The following ABLIM3 variants were observed in gnomAD, a reference collection of about 807,000 sequenced individuals.
ABLIM3 encodes the protein actin binding LIM protein family member 3.
ABLIM3 carries 61 observed loss-of-function variants against 109.5 expected under a neutral mutation model. That is an observed-to-expected ratio of 0.56 (90% confidence interval 0.45 to 0.69). The LOEUF (loss-of-function observed/expected upper bound fraction) is 0.69. Ranked by LOEUF, ABLIM3 falls within the 30% of genes least tolerant of loss-of-function variation. ABLIM3 has a pLI of 0.00. For synonymous variants in ABLIM3, 300 were observed against 324.8 expected, an observed-to-expected ratio of 0.92 and a Z score of 0.82; for missense variants, 796 against 889.5, an observed-to-expected ratio of 0.89 and a Z score of 1.34.
intron 1 of ABLIM3, 121 bp downstream of exon 1, chr5:149,141,775 G>A: frequency 2.4e-6 from 1 of 423,296 alleles, no homozygotes; most frequent in Non-Finnish European, 4.3e-6. Context: ...AATAGTCCGG[G>A]GTGCGCGCGA....
chr5:149,237,746 T>G, intron 11 of ABLIM3, 143 bp downstream of exon 11: 1 of 1,100,308 alleles, frequency 9.1e-7, no homozygotes, highest in Non-Finnish European at 1.3e-6. Flanking sequence ...GGCCAACGTT[T>G]TTTAAATGAA....
At chr5:149,239,043 C>T (rs1015418574) in intron 11 of ABLIM3, among the ~76,000 whole-genome samples, 14 of 152,176 alleles carry the variant, frequency 9.2e-5, no homozygotes, top group Non-Finnish European at 1.0e-4. Flanking sequence ...TCCTAAAAGG[C>T]GGGCATAATC....
At position 149,250,480 on chromosome 5, in the gene ABLIM3, C is replaced by T. The variant is rs777867883; in HGVS notation, c.1763C>T (p.Ala588Val). The T allele has an allele frequency of 5.6e-6, 9 of 1,614,196 alleles. No individual in the cohort carries two copies. The highest frequency in any genetic ancestry group is 7.6e-6 in the Non-Finnish European group (9 of 1,180,014). The change falls in exon 20 of 24, where the codon GCC becomes GTC. Residue 588 changes from alanine to valine, a missense_variant. Transcript: ENST00000309868. The stretch of plus-strand genomic sequence containing the variant: ...ATCTCCAAATCTGCCTCCCTGCCTG[C>T]CTACCGAAGAAATGGGCTGCACAGG... ...PLISKSASLP[A>V]YRRNGLHRTP...
At position 149,252,572 on chromosome 5, in the gene ABLIM3, T is replaced by G. The variant is rs1162082505; in HGVS notation, c.1858-185T>G. 1.2e-5 allele frequency: 7 copies of G among 594,702 alleles called. No homozygotes were observed. The African/African-American group carries it at 1.3e-4, about 11-fold the overall frequency. 36.8% of individuals were successfully genotyped at this position (594,702 alleles called of 1,614,324 possible). A position where few individuals can be genotyped will look rare whatever the true frequency, so the allele number is the denominator to read the frequency against. ...AGTATTAGGGGACTCTCTTGGGCCT[T>G]GTCTTTTGAGAGAAGGTATCTTAAG... is the stretch of plus-strand genomic sequence containing the variant. On this transcript the variant is annotated intron_variant, in intron 22 of 23. Coordinates refer to ENST00000309868, the MANE Select transcript of ABLIM3 (RefSeq NM_014945.5).
rs191726947 is a variant in ABLIM3 at position 149,172,923 on chromosome 5, T to G, written c.14-10529T>G. Among the ~76,000 whole-genome samples the G allele has an allele frequency of 3.9e-5, 6 of 152,036 alleles. No individual in the cohort carries two copies. In the East Asian group the frequency reaches 1.2e-3, roughly 29 times the overall value. ...AAAACAAGAGCCTGGAGAAGGGGAG[T>G]GTCCTCCCTGAGGCCTCACAAAAAC... is the stretch of plus-strand genomic sequence containing the variant. On this transcript the variant is annotated intron_variant, in intron 2 of 23. Transcript: ENST00000309868.
chr5:149,171,615 G>GGCTTCTGCTT, intron 2 of ABLIM3, among the ~76,000 whole-genome samples: 1 of 152,302 alleles, frequency 6.6e-6, no homozygotes, highest in Non-Finnish European at 1.5e-5. Flanking sequence ...CATGGAAATT[G>GGCTTCTGCTT]GCTTCTGCTT....
chr5:149,181,830 C>A (rs1018145744), intron 2 of ABLIM3, among the ~76,000 whole-genome samples: 1 of 152,182 alleles, frequency 6.6e-6, no homozygotes, highest in Non-Finnish European at 1.5e-5. Context: ...GCTATGACAA[C>A]AGAGATTTGT....
intron 5 of ABLIM3, among the ~76,000 whole-genome samples, chr5:149,206,297 C>G (rs1252804763): frequency 6.6e-6 from 1 of 152,190 alleles, no homozygotes; most frequent in Non-Finnish European, 1.5e-5. Flanking sequence ...TCATCAGACC[C>G]TGTAATCCTT....
intron 2 of ABLIM3, among the ~76,000 whole-genome samples, chr5:149,168,763 C>T (rs148354597): frequency 3.7e-4 from 56 of 152,276 alleles, no homozygotes; most frequent in Non-Finnish European, 3.2e-4. Context: ...ATGGTGACAG[C>T]GCTTTTGATA....
At chr5:149,251,559 C>G in intron 21 of ABLIM3, 140 bp downstream of exon 21, 1 of 936,428 alleles carries the variant, frequency 1.1e-6, no homozygotes, top group African/African-American at 1.6e-5. Flanking sequence ...TTCTTACTCT[C>G]TTTCACTTCC....
intron 17 of ABLIM3, 119 bp from the exon 18 acceptor site, chr5:149,247,663 A>C: frequency 7.6e-7 from 1 of 1,311,228 alleles, no homozygotes; most frequent in Non-Finnish European, 1.1e-6. Flanking sequence ...GACGCTGGGA[A>C]GGCAAACATG....
intron 9 of ABLIM3, 64 bp from the exon 10 acceptor site, chr5:149,233,165 C>T (rs1762026781): frequency 6.8e-7 from 1 of 1,467,690 alleles, no homozygotes; most frequent in African/African-American, 1.4e-5. Flanking sequence ...AACCCCCTGT[C>T]TCACCCTCCC....
intron 3 of ABLIM3, among the ~76,000 whole-genome samples, chr5:149,187,791 C>G (rs1248442641): frequency 6.6e-6 from 1 of 152,172 alleles, no homozygotes; most frequent in Non-Finnish European, 1.5e-5. Context: ...GCTACCTGCT[C>G]TGCCCTGACT....
intron 3 of ABLIM3, among the ~76,000 whole-genome samples, chr5:149,195,938 C>T (rs927691686): frequency 7.2e-5 from 11 of 152,204 alleles, no homozygotes; most frequent in South Asian, 2.1e-4. Flanking sequence ...GTATAGTAAG[C>T]GCTAAAGGAA....
chr5:149,183,376 A>G, intron 2 of ABLIM3, 76 bp from the exon 3 acceptor site: 1 of 1,430,750 alleles, frequency 7.0e-7, no homozygotes, highest in East Asian at 2.7e-5. Context: ...TCCAGCTACA[A>G]TTATGATAAT....
intron 3 of ABLIM3, among the ~76,000 whole-genome samples, chr5:149,187,933 T>C (rs115479045): frequency 0.05 from 7,616 of 152,266 alleles, 580 homozygotes; most frequent in African/African-American, 0.17. Context: ...GATAAGAACC[T>C]CTTCCCCTCC....
intron 7 of ABLIM3, 52 bp downstream of exon 7, chr5:149,210,871 A>G (rs1287201273): frequency 6.5e-7 from 1 of 1,528,078 alleles, no homozygotes; most frequent in Non-Finnish European, 9.1e-7. Context: ...CTGTGCCTCC[A>G]AAAAGTCATC....
At chr5:149,239,326 ATG>A in intron 12 of ABLIM3, 49 bp downstream of exon 12, 1 of 1,593,712 alleles carries the variant, frequency 6.3e-7, no homozygotes, top group Non-Finnish European at 8.6e-7. Context: ...GTGCCCCTTT[ATG>A]TGGACTTCAC....
chr5:149,204,328 G>A (rs767818519), intron 5 of ABLIM3, among the ~76,000 whole-genome samples: 5 of 152,188 alleles, frequency 3.3e-5, no homozygotes, highest in Non-Finnish European at 7.3e-5. Flanking sequence ...TTGGAACAGG[G>A]TGTGGTTTTC....
Sources: allele counts gnomAD v4.1 joint callset (sites outside exome capture counted in the v4.1 genomes callset), GRCh38; gene constraint gnomAD v4.1.1; transcripts MANE v1.5; gene names NCBI Gene and HGNC (gene_info 2026-07-23, HGNC 2026-07-21).